The following ARHGEF4 variants were observed in gnomAD, a reference collection of about 807,000 sequenced individuals.
ARHGEF4 encodes APC-stimulated guanine nucleotide exchange factor 1.
ARHGEF4 carries 119 observed loss-of-function variants against 162.0 expected under a neutral mutation model. The ratio of observed to expected loss-of-function variants is 0.73; its 90% CI spans 0.63 to 0.86. ARHGEF4 has a LOEUF of 0.86. ARHGEF4 is among the 40% of genes least tolerant of loss of function. ARHGEF4 has a pLI of 0.00. For synonymous variants in ARHGEF4, 1,014 were observed against 979.9 expected, an observed-to-expected ratio of 1.03 and a Z score of -0.65; for missense variants, 2,488 against 2,456.0, an observed-to-expected ratio of 1.01 and a Z score of -0.28.
intron 4 of ARHGEF4, among the ~76,000 whole-genome samples, chr2:131,007,903 C>G (rs1476428744): frequency 6.7e-6 from 1 of 149,490 alleles, no homozygotes; most frequent in African/African-American, 2.5e-5. Context: ...CCTCCGCTTC[C>G]CAGGTTCAAG....
intron 10 of ARHGEF4, among the ~76,000 whole-genome samples, chr2:131,042,334 C>A (rs543619848): frequency 6.6e-6 from 1 of 152,360 alleles, no homozygotes; most frequent in South Asian, 2.1e-4. Context: ...CACAGCATGA[C>A]CAAAAATGCA....
intron 3 of ARHGEF4, among the ~76,000 whole-genome samples, chr2:130,936,764 T>A (rs1047802491): frequency 5.3e-5 from 8 of 152,196 alleles, no homozygotes; most frequent in African/African-American, 1.4e-4. Flanking sequence ...TAAGTCTTTA[T>A]GTTTATCCAT....
intron 1 of ARHGEF4, among the ~76,000 whole-genome samples, chr2:130,912,770 C>A (rs553570373): frequency 6.6e-6 from 1 of 152,244 alleles, no homozygotes; most frequent in African/African-American, 2.4e-5. Context: ...AGACACGCTA[C>A]AGCCATGATG....
intron 2 of ARHGEF4, among the ~76,000 whole-genome samples, chr2:130,928,973 G>A (rs1173214729): frequency 1.3e-5 from 2 of 152,112 alleles, no homozygotes; most frequent in Non-Finnish European, 2.9e-5. Flanking sequence ...TCCCTGGAGG[G>A]CATTTTAGAC....
chr2:130,877,466 A>C (rs1426016159), intron 1 of ARHGEF4, among the ~76,000 whole-genome samples: 33 of 152,136 alleles, frequency 2.2e-4, no homozygotes, highest in Non-Finnish European at 1.5e-5. Context: ...TAGCGATCCC[A>C]AACAGGCATT....
Position 131,041,200 on chromosome 2 carries a change from G to C in ARHGEF4, c.4663-30G>C, listed in dbSNP as rs199690025. ...GGATTGCCTGTGGGAGCAGCAGAGA[G>C]CTCTGCTAACCTCCAGCTGTGCCCC... On this transcript the variant is annotated intron_variant, in intron 8 of 13. Transcript: ENST00000409359. The C allele has an allele frequency of 1.9e-6, 3 of 1,577,968 alleles. No homozygotes were observed. The East Asian group carries it at 6.7e-5, about 35-fold the overall frequency.
intron 3 of ARHGEF4, among the ~76,000 whole-genome samples, chr2:130,945,651 A>G (rs1358534343): frequency 6.6e-6 from 1 of 152,158 alleles, no homozygotes; most frequent in Non-Finnish European, 1.5e-5. Flanking sequence ...CAACAAAACA[A>G]GAAACTCACC....
chr2:130,871,774 C>T (rs909819071), intron 1 of ARHGEF4, among the ~76,000 whole-genome samples: 8 of 152,174 alleles, frequency 5.3e-5, no homozygotes, highest in Non-Finnish European at 1.2e-4. Context: ...CTCTCCCCTA[C>T]ACTGGAGACC....
intron 1 of ARHGEF4, among the ~76,000 whole-genome samples, chr2:130,903,133 G>A (rs1285402189): frequency 2.1e-5 from 3 of 144,352 alleles, no homozygotes; most frequent in Admixed American, 1.4e-4. Context: ...TTTTTTTTGA[G>A]TCTTTCCGTT....
Position 131,046,490 on chromosome 2 carries a change from C to T in ARHGEF4, c.*301C>T. The T allele has an allele frequency of 3.0e-6, 1 of 336,056 alleles. No individual in the cohort carries two copies. The highest frequency in any genetic ancestry group is 6.7e-5 in the South Asian group (1 of 14,968). 20.8% of individuals were successfully genotyped at this position (336,056 alleles called of 1,614,324 possible). A position where few individuals can be genotyped will look rare whatever the true frequency, so the allele number is the denominator to read the frequency against. On this transcript the variant is annotated 3_prime_UTR_variant, in exon 14 of 14. Coordinates refer to ENST00000409359, the MANE Select transcript of ARHGEF4 (RefSeq NM_001367493.1). ...CCTCACTGCTGGAGCGGGGAAACCG[C>T]AGCTCAGCCCAGGCCCAGCTGGGGA... is the stretch of plus-strand genomic sequence containing the variant.
Position 131,029,427 on chromosome 2 carries a change from T to G in ARHGEF4, c.4125+1343T>G, listed in dbSNP as rs148158084. On this transcript the variant is annotated intron_variant, in intron 5 of 13. Coordinates refer to ENST00000409359, the MANE Select transcript of ARHGEF4 (RefSeq NM_001367493.1). ...ATCCATGGTGCATAAAAAATAAACA[T>G]GTAAATAAGCTTTCCCAACAAAACC... is the stretch of plus-strand genomic sequence containing the variant. Among the ~76,000 whole-genome samples the G allele has an allele frequency of 6.3e-3, 962 of 152,244 alleles. 7 individuals carry two copies. Among genetic ancestry groups the G allele is most frequent in the African/African-American group, 0.021 (886 of 41,542 alleles).
At chr2:130,907,565 G>A (rs921443765) in intron 1 of ARHGEF4, among the ~76,000 whole-genome samples, 2 of 151,960 alleles carry the variant, frequency 1.3e-5, no homozygotes, top group African/African-American at 4.8e-5. Flanking sequence ...GGATATGGAT[G>A]CATGGTTAAT....
intron 4 of ARHGEF4, among the ~76,000 whole-genome samples, chr2:131,017,717 C>G (rs917953683): frequency 6.6e-6 from 1 of 152,174 alleles, no homozygotes. Flanking sequence ...AAGACATATA[C>G]TATGCTATTC....
chr2:130,981,218 C>G (rs1379040149), intron 4 of ARHGEF4, among the ~76,000 whole-genome samples: 1 of 152,078 alleles, frequency 6.6e-6, no homozygotes, highest in African/African-American at 2.4e-5. Flanking sequence ...CCTGGGAATT[C>G]TAGATAAATA....
At chr2:130,889,201 A>T (rs1304609291) in intron 1 of ARHGEF4, among the ~76,000 whole-genome samples, 2 of 152,076 alleles carry the variant, frequency 1.3e-5, no homozygotes, top group African/African-American at 4.8e-5. Context: ...ACCAAATTAT[A>T]CAGTGAATAA....
intron 4 of ARHGEF4, among the ~76,000 whole-genome samples, chr2:130,988,646 C>T (rs911176537): frequency 6.6e-6 from 1 of 151,872 alleles, no homozygotes; most frequent in Non-Finnish European, 1.5e-5. Flanking sequence ...ACCTGTTTTC[C>T]CCCACTTAAT....
Position 130,860,634 on chromosome 2 carries a change from C to T in ARHGEF4, c.39+23642C>T, listed in dbSNP as rs1681959945. ...CCGAGGCAGAAGAATGGTGTGAACC[C>T]GGGAGGCGAAGCTTGCGGTGAGCCG... On this transcript the variant is annotated intron_variant, in intron 1 of 13. Transcript: ENST00000409359. Among the ~76,000 whole-genome samples, 2 of 118,902 alleles carry T rather than the reference C, an allele frequency of 1.7e-5. 1 individual carries two copies. The highest frequency in any genetic ancestry group is 3.2e-5 in the Non-Finnish European group (2 of 62,356). The allele number at this position is 118,902 out of a possible 152,430, so 78.0% of individuals were successfully genotyped here. A position where few individuals can be genotyped will look rare whatever the true frequency, so the allele number is the denominator to read the frequency against.
At chr2:130,898,420 C>T (rs1680294543) in intron 1 of ARHGEF4, among the ~76,000 whole-genome samples, 1 of 152,182 alleles carries the variant, frequency 6.6e-6, no homozygotes, top group South Asian at 2.1e-4. Context: ...CGATTGGACG[C>T]TGCATCTTTC....
chr2:130,915,738 G>A lies in ARHGEF4; in HGVS notation c.1792G>A (p.Gly598Ser), dbSNP rs1025906166. The change falls in exon 2 of 14, where the codon GGC becomes AGC. Residue 598 changes from glycine (G) to serine (S), a missense_variant. Gly to Ser is a moderately conservative substitution (Grantham distance 56). Around this residue, in one of 6 missense-constraint regions of ARHGEF4, gnomAD observed 1,642 missense variants for 1,481.5 expected, o/e 1.11. Transcript: ENST00000409359. ...CAAGGCAGCCACGGTGTCTCACTGCGGCCCCGGGGCTGAGGAGGGTGAACA... is the reference window on the plus strand; with the variant it reads ...CAAGGCAGCCACGGTGTCTCACTGCAGCCCCGGGGCTGAGGAGGGTGAACA... ...EFKAATVSHC[G>S]PGAEEGEQGP... The A allele has an allele frequency of 2.6e-6, 4 of 1,546,780 alleles. No individual in the cohort carries two copies. The highest frequency in any genetic ancestry group is 2.0e-5 in the Admixed American group (1 of 50,632).
Sources: gnomAD v4.1 joint callset for allele counts (sites outside exome capture counted in the v4.1 genomes callset) on GRCh38, gnomAD v4.1.1 for gene constraint, gnomAD v4.1.1 regional missense constraint, MANE v1.5 for transcripts, NCBI Gene and HGNC (gene_info 2026-07-23, HGNC 2026-07-21) for gene names.